Variants in SULF1 observed in about 807,000 individuals in gnomAD.
SULF1 encodes the protein sulfatase 1.
A neutral mutation model predicts 110.5 loss-of-function variants in SULF1; 46 were observed. That is an observed-to-expected ratio of 0.42 (90% CI 0.33 to 0.53). The LOEUF is 0.53. Among genes scored for constraint, SULF1 ranks in the 20% least tolerant of loss-of-function variants. SULF1 has a pLI of 0.12. For missense variants in SULF1, 941 were observed against 1,094.2 expected (o/e 0.86, Z 1.98); for synonymous variants, 371 against 387.1 (o/e 0.96, Z 0.49).
intron 3 of SULF1, among the ~76,000 whole-genome samples, chr8:69,558,185 T>G (rs898940397): frequency 3.1e-4 from 47 of 152,312 alleles, no homozygotes; most frequent in African/African-American, 1.0e-3. Context: ...GAAAGGGCCA[T>G]GTTAACTGAT....
intron 6 of SULF1, among the ~76,000 whole-genome samples, chr8:69,581,638 C>G (rs767247630): frequency 6.6e-5 from 10 of 152,112 alleles, no homozygotes. Flanking sequence ...TTGAACTATA[C>G]GTAACCTACA....
intron 1 of SULF1, among the ~76,000 whole-genome samples, chr8:69,493,827 A>G (rs761578740): frequency 8.5e-5 from 13 of 152,270 alleles, no homozygotes; most frequent in Non-Finnish European, 1.9e-4. Context: ...TTATCAAACT[A>G]TGTGTCTTAA....
At chr8:69,505,885 C>T (rs972397417) in intron 3 of SULF1, among the ~76,000 whole-genome samples, 3 of 151,634 alleles carry the variant, frequency 2.0e-5, no homozygotes, top group East Asian at 1.9e-4. Context: ...ATATAACAGT[C>T]GCTTAAGAGT....
chr8:69,488,364 G>A (rs1302307846), upstream of SULF1, among the ~76,000 whole-genome samples: 3 of 152,144 alleles, frequency 2.0e-5, no homozygotes, highest in African/African-American at 7.2e-5. Context: ...TTGCCTCTAG[G>A]CAGGACTACA....
intron 3 of SULF1, among the ~76,000 whole-genome samples, chr8:69,557,420 A>G (rs116068466): frequency 1.3e-5 from 2 of 152,148 alleles, no homozygotes; most frequent in Admixed American, 6.5e-5. Context: ...GACTTTATGC[A>G]TTCTCTAAAA....
intron 13 of SULF1, among the ~76,000 whole-genome samples, chr8:69,610,141 G>C (rs890957325): frequency 2.0e-5 from 3 of 152,112 alleles, no homozygotes; most frequent in African/African-American, 4.8e-5. Flanking sequence ...AATTTAGTTT[G>C]CCTTTCTACT....
chr8:69,655,751 CA>C (rs1362143350), intron 22 of SULF1, among the ~76,000 whole-genome samples: 1 of 152,202 alleles, frequency 6.6e-6, no homozygotes, highest in Non-Finnish European at 1.5e-5. Context: ...TCTCATTAGA[CA>C]GTTTTTAATG....
At chr8:69,490,095 T>G (rs998233584), upstream of SULF1, among the ~76,000 whole-genome samples, 1 of 143,364 alleles carries the variant, frequency 7.0e-6, no homozygotes, top group Non-Finnish European at 1.5e-5. Flanking sequence ...CCAAGTTCCA[T>G]ACTTTTCTTT....
chr8:69,514,595 C>A (rs1811796233), intron 3 of SULF1, among the ~76,000 whole-genome samples: 1 of 152,174 alleles, frequency 6.6e-6, no homozygotes, highest in Non-Finnish European at 1.5e-5. Context: ...TCCCAATAGC[C>A]CCCTAAAGTG....
intron 6 of SULF1, among the ~76,000 whole-genome samples, chr8:69,581,730 A>G (rs554691407): frequency 6.6e-6 from 1 of 152,338 alleles, no homozygotes; most frequent in East Asian, 1.9e-4. Context: ...CTGGAGGAAA[A>G]TAATTAGAGG....
chr8:69,604,727 A>G, intron 12 of SULF1, 76 bp from the exon 13 acceptor site: 1 of 1,570,964 alleles, frequency 6.4e-7, no homozygotes, highest in Non-Finnish European at 8.6e-7. Context: ...CAGGGTAAAA[A>G]AAAAAAGGGG....
intron 3 of SULF1, among the ~76,000 whole-genome samples, chr8:69,514,748 T>A (rs1811806612): frequency 6.6e-6 from 1 of 152,130 alleles, no homozygotes; most frequent in Admixed American, 6.6e-5. Flanking sequence ...AGGGTACAGG[T>A]ATTGGGTAAA....
chr8:69,596,334 A>C (rs1302322560), intron 8 of SULF1, among the ~76,000 whole-genome samples: 4 of 152,136 alleles, frequency 2.6e-5, no homozygotes, highest in Non-Finnish European at 5.9e-5. Flanking sequence ...TTTTTAAGAA[A>C]GCAACAGAAA....
intron 3 of SULF1, among the ~76,000 whole-genome samples, chr8:69,517,758 AAC>A (rs1208439935): frequency 1.3e-5 from 2 of 152,130 alleles, no homozygotes; most frequent in Non-Finnish European, 2.9e-5. Context: ...GGAAATAGAA[AAC>A]AGTTTCTCTA....
chr8:69,513,050 T>C (rs941746372), intron 3 of SULF1, among the ~76,000 whole-genome samples: 2 of 152,238 alleles, frequency 1.3e-5, no homozygotes, highest in African/African-American at 4.8e-5. Context: ...TTAGATTCTG[T>C]GTGTTTTTAG....
intron 3 of SULF1, among the ~76,000 whole-genome samples, chr8:69,526,845 G>A (rs899731608): frequency 2.0e-5 from 3 of 148,142 alleles, no homozygotes; most frequent in Non-Finnish European, 3.0e-5. Flanking sequence ...AAGGAAGGGA[G>A]GAAGGAAGGA....
chr8:69,651,051 C>CTTTTTTTTTTTTTT lies in SULF1; in HGVS notation c.2586-7450_2586-7449insTTTTTTTTTTTTTT, dbSNP rs111556401. On this transcript the variant is annotated intron_variant, in intron 22 of 22. Coordinates refer to ENST00000402687, the MANE Select transcript of SULF1 (RefSeq NM_001128205.2). ...TCTATCAACATCTATTCTTTTTTTT[C>CTTTTTTTTTTTTTT]TTTTCTTTTTTTTTTTTTTTGAGAC... 7.5e-5 allele frequency among the ~76,000 whole-genome samples: 10 copies of CTTTTTTTTTTTTTT among 134,182 alleles called. 2 individuals carry two copies. Among genetic ancestry groups the CTTTTTTTTTTTTTT allele is most frequent in the South Asian group, 2.5e-4 (1 of 4,036 alleles). The allele number at this position is 134,182 out of a possible 152,430, so 88.0% of individuals were successfully genotyped here.
At chr8:69,553,552 T>G (rs571016547) in intron 3 of SULF1, among the ~76,000 whole-genome samples, 1 of 152,342 alleles carries the variant, frequency 6.6e-6, no homozygotes, top group East Asian at 1.9e-4. Flanking sequence ...TGACAAATGT[T>G]GTTCTATGAC....
chr8:69,581,372 G>A (rs762949740), intron 6 of SULF1, among the ~76,000 whole-genome samples: 3 of 152,176 alleles, frequency 2.0e-5, no homozygotes, highest in Admixed American at 6.5e-5. Context: ...GCTTCAGGTA[G>A]TTCCTGGAAA....
Sources: gnomAD v4.1 joint callset for allele counts (sites outside exome capture counted in the v4.1 genomes callset) on GRCh38, gnomAD v4.1.1 for gene constraint, MANE v1.5 for transcripts, NCBI Gene and HGNC (gene_info 2026-07-23, HGNC 2026-07-21) for gene names.